GABRA3: variants seen among roughly 807,000 people sequenced by gnomAD.
The protein encoded by GABRA3 is gamma-aminobutyric acid type A receptor subunit alpha3.
GABRA3 carries 10 observed loss-of-function variants against 30.1 expected under a neutral mutation model. That is an observed-to-expected ratio of 0.33 (90% CI 0.20 to 0.56). GABRA3 has a LOEUF of 0.56. Ranked by LOEUF, GABRA3 falls within the 20% of genes least tolerant of loss-of-function variation. The pLI, the probability that GABRA3 is intolerant of heterozygous loss-of-function variation, is 0.89. For synonymous variants in GABRA3, 151 were observed against 146.8 expected, an observed-to-expected ratio of 1.03 and a Z score of -0.21; for missense variants, 233 against 392.0, an observed-to-expected ratio of 0.59 and a Z score of 3.42.
chrX:152,276,792 A>AG (rs1158871333), intron 4 of GABRA3, among the ~76,000 whole-genome samples: 1 of 106,310 alleles, frequency 9.4e-6, no homozygotes, highest in Admixed American at 9.8e-5. Context: ...TTTATATAAA[A>AG]GTTTCAAAAC....
intron 4 of GABRA3, among the ~76,000 whole-genome samples, chrX:152,284,107 T>C (rs1939246252): frequency 8.9e-6 from 1 of 111,766 alleles, no homozygotes; most frequent in Non-Finnish European, 1.9e-5. Context: ...TGTTCTGCTG[T>C]GCCCTGCTCT....
At chrX:152,406,571 AATATATAT>A (rs61577907) in intron 1 of GABRA3, among the ~76,000 whole-genome samples, 1 of 95,584 alleles carries the variant, frequency 1.0e-5, no homozygotes, top group Admixed American at 1.2e-4. Context: ...CTAACACTGG[AATATATAT>A]ATATATATAT....
chrX:152,416,529 G>T (rs1361673055), intron 1 of GABRA3, among the ~76,000 whole-genome samples: 27 of 110,289 alleles, frequency 2.4e-4, no homozygotes, highest in African/African-American at 8.6e-4. Flanking sequence ...CTACTTTAAA[G>T]TTCATATGGA....
rs1939657622 is a variant in GABRA3 at position 152,302,981 on chromosome X, G to T, written c.263-18246C>A. Among the ~76,000 whole-genome samples, 7 of 111,882 alleles carry T rather than the reference G, an allele frequency of 6.3e-5. No individual in the cohort carries two copies. The South Asian group carries it at 2.6e-3, about 42-fold the overall frequency. On this transcript the variant is annotated intron_variant, in intron 3 of 9. Transcript: ENST00000370314. Reference sequence around the variant, plus strand: ...CATTTTCTTTATCCAATCCACCATTGATGGAGACCTACATTGACTCCATGT... The same window carrying T: ...CATTTTCTTTATCCAATCCACCATTTATGGAGACCTACATTGACTCCATGT...
chrX:152,306,311 C>T (rs1394286479), intron 3 of GABRA3, among the ~76,000 whole-genome samples: 1 of 112,009 alleles, frequency 8.9e-6, no homozygotes, highest in Non-Finnish European at 1.9e-5. Context: ...TGTATATTCC[C>T]TATAAGTCAG....
intron 3 of GABRA3, among the ~76,000 whole-genome samples, chrX:152,329,041 TC>T (rs1261967635): frequency 9.0e-6 from 1 of 111,711 alleles, no homozygotes; most frequent in African/African-American, 3.3e-5. Context: ...TCACAGGCAT[TC>T]CTATACACCA....
chrX:152,360,756 TA>T lies in GABRA3; in HGVS notation c.140+3674del, dbSNP rs1181170333. ...AAAAAAATTAAAAAAAAAAATAAAT[TA>T]AAAAAAAAAAATGTTTCTAATTCAA... On this transcript the variant is annotated intron_variant, in intron 2 of 9. Coordinates refer to ENST00000370314, the MANE Select transcript of GABRA3 (RefSeq NM_000808.4). 7.2e-3 allele frequency among the ~76,000 whole-genome samples: 362 copies of T among 50,431 alleles called. 1 individual carries two copies. Among genetic ancestry groups the T allele is most frequent in the South Asian group, 0.036 (40 of 1,122 alleles). 43.8% of individuals were successfully genotyped at this position (50,431 alleles called of 115,157 possible).
chrX:152,293,798 G>C (rs1939471080), intron 3 of GABRA3, among the ~76,000 whole-genome samples: 1 of 111,201 alleles, frequency 9.0e-6, no homozygotes, highest in African/African-American at 3.3e-5. Context: ...GCTTCCTTCA[G>C]GAGCTCTTGT....
chrX:152,222,125 T>C (rs1037362373), intron 6 of GABRA3, among the ~76,000 whole-genome samples: 2 of 111,078 alleles, frequency 1.8e-5, no homozygotes, highest in African/African-American at 3.3e-5. Flanking sequence ...CTATTATTGA[T>C]GGGCATTTAG....
intron 1 of GABRA3, among the ~76,000 whole-genome samples, chrX:152,367,467 A>G (rs772388780): frequency 3.6e-5 from 4 of 111,957 alleles, no homozygotes; most frequent in Non-Finnish European, 7.5e-5. Flanking sequence ...TCACCCTACT[A>G]AAGAGCTAAA....
chrX:152,237,830 G>A (rs1344692183), intron 5 of GABRA3, among the ~76,000 whole-genome samples: 1 of 108,496 alleles, frequency 9.2e-6, no homozygotes, highest in Non-Finnish European at 1.9e-5. Context: ...TGTGATTTTT[G>A]TACATTGATT....
At chrX:152,409,273 G>A (rs939096883) in intron 1 of GABRA3, among the ~76,000 whole-genome samples, 1 of 111,470 alleles carries the variant, frequency 9.0e-6, no homozygotes, top group Non-Finnish European at 1.9e-5. Flanking sequence ...TCTTGTCTAG[G>A]AGTTTGAGGT....
chrX:152,370,834 AT>A (rs760780746), intron 1 of GABRA3, among the ~76,000 whole-genome samples: 12 of 110,811 alleles, frequency 1.1e-4, no homozygotes, highest in Non-Finnish European at 1.9e-4. Flanking sequence ...CATACTGTCA[AT>A]TCTTCTACCC....
chrX:152,259,629 C>T (rs1040928894), intron 4 of GABRA3, among the ~76,000 whole-genome samples: 5 of 110,952 alleles, frequency 4.5e-5, no homozygotes, highest in Admixed American at 9.6e-5. Context: ...AGAAACACAG[C>T]GGGTCAGAAG....
chrX:152,354,371 C>T (rs950792146), intron 2 of GABRA3, among the ~76,000 whole-genome samples: 1 of 111,376 alleles, frequency 9.0e-6, no homozygotes, highest in Admixed American at 9.6e-5. Context: ...ATATTAATAA[C>T]TTAGAATAGA....
chrX:152,251,765 C>T (rs925783722), intron 5 of GABRA3, among the ~76,000 whole-genome samples: 6 of 110,866 alleles, frequency 5.4e-5, no homozygotes, highest in African/African-American at 2.0e-4. Flanking sequence ...TACAAGCATG[C>T]CTCTCTTCCA....
At chrX:152,182,521 C>T (rs1441784202) in intron 9 of GABRA3, among the ~76,000 whole-genome samples, 1,123 of 74,419 alleles carry the variant, frequency 0.015, 2 homozygotes, top group Non-Finnish European at 0.025. Context: ...ATATAGTATA[C>T]ACACTATATA....
chrX:152,359,997 C>T (rs2124491044), intron 2 of GABRA3, among the ~76,000 whole-genome samples: 1 of 104,606 alleles, frequency 9.6e-6, no homozygotes, highest in South Asian at 4.6e-4. Context: ...GACATGAACT[C>T]ATCATTTTTT....
At chrX:152,228,068 G>A (rs1303094727) in intron 5 of GABRA3, among the ~76,000 whole-genome samples, 1 of 111,751 alleles carries the variant, frequency 8.9e-6, no homozygotes, top group Non-Finnish European at 1.9e-5. Flanking sequence ...ACTGCTATAG[G>A]AAGAGAAAGC....
Sources: gnomAD v4.1 joint callset for allele counts (sites outside exome capture counted in the v4.1 genomes callset) on GRCh38, gnomAD v4.1.1 for gene constraint, MANE v1.5 for transcripts, NCBI Gene and HGNC (gene_info 2026-07-23, HGNC 2026-07-21) for gene names.